The following FHIT variants were observed in gnomAD, a reference collection of about 807,000 sequenced individuals.
FHIT encodes bis(5'-adenosyl)-triphosphatase.
In FHIT, 19 loss-of-function variants were observed where a neutral mutation model predicts 17.9. The observed-to-expected ratio is 1.06, with a 90% CI of 0.74 to 1.56. FHIT has a LOEUF of 1.56. Among genes scored for constraint, FHIT ranks in the 40% most tolerant of loss-of-function variants. The probability of loss-of-function intolerance (pLI) is 0.00; values close to 1 mark genes in which losing one functional copy is unlikely to be tolerated. For missense variants in FHIT, 248 were observed against 189.2 expected (o/e 1.31, Z -1.82); for synonymous variants, 81 against 69.7 (o/e 1.16, Z -0.81).
At chr3:60,510,391 T>A (rs2034904030) in intron 5 of FHIT, among the ~76,000 whole-genome samples, 2 of 152,234 alleles carry the variant, frequency 1.3e-5, no homozygotes, top group Admixed American at 1.3e-4. Flanking sequence ...TTTGTTTTCC[T>A]TTAGGAATTT....
intron 5 of FHIT, among the ~76,000 whole-genome samples, chr3:60,363,983 G>A (rs542311774): frequency 6.6e-6 from 1 of 152,242 alleles, no homozygotes; most frequent in South Asian, 2.1e-4. Context: ...CCTAGGTCAA[G>A]GGGTGGTCAC....
intron 5 of FHIT, among the ~76,000 whole-genome samples, chr3:60,176,940 G>A (rs527950275): frequency 1.3e-5 from 2 of 152,128 alleles, no homozygotes; most frequent in South Asian, 4.1e-4. Flanking sequence ...AAACCAAGGA[G>A]GGCAAAGCAA....
chr3:61,080,116 T>C (rs1208033771), intron 2 of FHIT, among the ~76,000 whole-genome samples: 1 of 152,180 alleles, frequency 6.6e-6, no homozygotes, highest in Non-Finnish European at 1.5e-5. Context: ...CTAATCTAAA[T>C]GGCTGATTTG....
chr3:59,963,944 G>GTATT (rs1707806047), intron 7 of FHIT, among the ~76,000 whole-genome samples: 1 of 152,188 alleles, frequency 6.6e-6, no homozygotes, highest in South Asian at 2.1e-4. Flanking sequence ...TCGTAACAGT[G>GTATT]TATTATCTGT....
intron 5 of FHIT, among the ~76,000 whole-genome samples, chr3:60,094,828 AGAGAGAAG>A (rs1467900677): frequency 6.9e-6 from 1 of 145,920 alleles, no homozygotes; most frequent in African/African-American, 2.5e-5. Flanking sequence ...AAGAAGAGAG[AGAGAGAAG>A]GAGAGAGGGA....
intron 5 of FHIT, among the ~76,000 whole-genome samples, chr3:60,491,789 G>T (rs1162492284): frequency 2.0e-5 from 3 of 152,056 alleles, no homozygotes; most frequent in African/African-American, 7.2e-5. Context: ...TTTGGGGTAG[G>T]CCACCAATTT....
intron 5 of FHIT, among the ~76,000 whole-genome samples, chr3:60,061,224 T>C (rs1702281338): frequency 6.6e-6 from 1 of 152,218 alleles, no homozygotes; most frequent in South Asian, 2.1e-4. Context: ...AGCAGATCCA[T>C]AGGTGCCACA....
intron 5 of FHIT, among the ~76,000 whole-genome samples, chr3:60,245,200 A>C (rs1559757667): frequency 6.6e-6 from 1 of 152,082 alleles, no homozygotes; most frequent in Non-Finnish European, 1.5e-5. Flanking sequence ...GTACTGAAAC[A>C]TACTTTATAT....
At chr3:60,931,848 A>G (rs1183056789) in intron 3 of FHIT, among the ~76,000 whole-genome samples, 1 of 152,218 alleles carries the variant, frequency 6.6e-6, no homozygotes, top group Admixed American at 6.5e-5. Context: ...AGAAATAATA[A>G]AAGGACACTT....
chr3:59,750,955 A>G (rs1179072806), intron 9 of FHIT: 1 of 187,688 alleles, frequency 5.3e-6, no homozygotes, highest in Non-Finnish European at 1.1e-5. Context: ...TACTTCTGCA[A>G]CTTATAACAT....
At chr3:60,713,685 G>T (rs1443344404) in intron 4 of FHIT, among the ~76,000 whole-genome samples, 4 of 152,138 alleles carry the variant, frequency 2.6e-5, no homozygotes, top group Non-Finnish European at 5.9e-5. Context: ...TAGAAGAAAT[G>T]GATAAATTCC....
chr3:60,972,592 T>C (rs2107532399), intron 3 of FHIT, among the ~76,000 whole-genome samples: 1 of 152,092 alleles, frequency 6.6e-6, no homozygotes, highest in Admixed American at 6.5e-5. Context: ...CTTGAATCCA[T>C]GGCTTGATGT....
At chr3:61,251,270 ATT>A (rs1403472986) in intron 1 of FHIT, 29 bp downstream of exon 1, 1 of 152,398 alleles carries the variant, frequency 6.6e-6, no homozygotes, top group Non-Finnish European at 1.5e-5. Flanking sequence ...CAGAAACAGT[ATT>A]CCACTTGGGC....
rs140593311 is a variant in FHIT at position 60,201,352 on chromosome 3, A to C, written c.104-187200T>G. Among the ~76,000 whole-genome samples the C allele has an allele frequency of 2.7e-3, 417 of 152,122 alleles. 1 individual carries two copies. Among genetic ancestry groups the C allele is most frequent in the African/African-American group, 9.7e-3 (404 of 41,514 alleles). On this transcript the variant is annotated intron_variant, in intron 5 of 9. Transcript: ENST00000492590. ...GAGTGCCAATACAAACCACAATACT[A>C]TCTATTTTTTAAGAGATGGGGTCTC...
intron 5 of FHIT, among the ~76,000 whole-genome samples, chr3:60,303,071 T>C (rs1003683035): frequency 1.3e-5 from 2 of 152,212 alleles, no homozygotes; most frequent in East Asian, 1.9e-4. Flanking sequence ...AAATTGGAGG[T>C]ACATTTTAAA....
At chr3:61,101,418 T>G (rs569557074) in intron 2 of FHIT, among the ~76,000 whole-genome samples, 1 of 152,196 alleles carries the variant, frequency 6.6e-6, no homozygotes, top group East Asian at 1.9e-4. Context: ...CGTTGGTCTA[T>G]CTCTCTGTTT....
At chr3:61,075,408 G>T (rs2034942555) in intron 2 of FHIT, among the ~76,000 whole-genome samples, 1 of 152,108 alleles carries the variant, frequency 6.6e-6, no homozygotes, top group Non-Finnish European at 1.5e-5. Flanking sequence ...CACTTATAGG[G>T]AATTCACTCA....
chr3:60,124,292 C>T (rs1705439300), intron 5 of FHIT, among the ~76,000 whole-genome samples: 1 of 151,816 alleles, frequency 6.6e-6, no homozygotes, highest in African/African-American at 2.4e-5. Context: ...CCGTCTTCAA[C>T]AGTCCCTGTA....
chr3:60,567,398 G>A (rs2037178034), intron 4 of FHIT, among the ~76,000 whole-genome samples: 1 of 152,172 alleles, frequency 6.6e-6, no homozygotes, highest in Non-Finnish European at 1.5e-5. Context: ...AAACTGGTTA[G>A]CCATATATAG....
Sources: gnomAD v4.1 joint callset for allele counts (sites outside exome capture counted in the v4.1 genomes callset) on GRCh38, gnomAD v4.1.1 for gene constraint, MANE v1.5 for transcripts, NCBI Gene and HGNC (gene_info 2026-07-23, HGNC 2026-07-21) for gene names.